EFNA5: variants seen among roughly 807,000 people sequenced by gnomAD.
EFNA5 encodes ephrin-A5.
Under a neutral mutation model 22.9 loss-of-function variants are expected in EFNA5, and 5 were observed. That is an observed-to-expected ratio of 0.22 (90% CI 0.11 to 0.46). The LOEUF is 0.46. Ranked by LOEUF, EFNA5 falls within the 20% of genes least tolerant of loss-of-function variation. EFNA5 has a pLI of 0.99. For missense variants in EFNA5, 237 were observed against 293.3 expected, an observed-to-expected ratio of 0.81 and a Z score of 1.40; for synonymous variants, 113 against 112.2, an observed-to-expected ratio of 1.01 and a Z score of -0.04.
At chr5:107,515,348 TTTTTA>T (rs1257338472) in intron 1 of EFNA5, among the ~76,000 whole-genome samples, 1 of 133,936 alleles carries the variant, frequency 7.5e-6, no homozygotes. Context: ...CAAGACATGG[TTTTTA>T]TTTTTTATTT....
At chr5:107,470,932 A>G (rs1750121999) in intron 1 of EFNA5, among the ~76,000 whole-genome samples, 1 of 152,182 alleles carries the variant, frequency 6.6e-6, no homozygotes, top group African/African-American at 2.4e-5. Flanking sequence ...CTTTTCTTCA[A>G]GAAAAACCCA....
At chr5:107,594,029 T>G (rs1749426781) in intron 1 of EFNA5, among the ~76,000 whole-genome samples, 1 of 152,242 alleles carries the variant, frequency 6.6e-6, no homozygotes, top group Non-Finnish European at 1.5e-5. Context: ...TATGTGCTTG[T>G]TCTCTCATTC....
chr5:107,633,078 C>T (rs1288160613), intron 1 of EFNA5, among the ~76,000 whole-genome samples: 4 of 151,936 alleles, frequency 2.6e-5, no homozygotes, highest in Non-Finnish European at 4.4e-5. Context: ...AGAGGGAAGT[C>T]CTTCAGTAGT....
At chr5:107,452,467 T>C (rs1025711466) in intron 1 of EFNA5, among the ~76,000 whole-genome samples, 1 of 152,140 alleles carries the variant, frequency 6.6e-6, no homozygotes, top group Non-Finnish European at 1.5e-5. Context: ...CTCACGCCTG[T>C]AATCTCAGCA....
chr5:107,500,335 C>T (rs1187591113), intron 1 of EFNA5, among the ~76,000 whole-genome samples: 1 of 152,226 alleles, frequency 6.6e-6, no homozygotes, highest in Admixed American at 6.5e-5. Flanking sequence ...ATACGTATAT[C>T]TGCTAAAGAA....
intron 1 of EFNA5, among the ~76,000 whole-genome samples, chr5:107,538,520 C>G (rs1747973319): frequency 6.6e-6 from 1 of 152,138 alleles, no homozygotes; most frequent in African/African-American, 2.4e-5. Context: ...AATGTACAGA[C>G]AGGAAGTGGG....
chr5:107,515,352 T>A (rs1317186991), intron 1 of EFNA5, among the ~76,000 whole-genome samples: 1 of 133,650 alleles, frequency 7.5e-6, no homozygotes, highest in Non-Finnish European at 1.6e-5. Context: ...ACATGGTTTT[T>A]ATTTTTTATT....
At chr5:107,474,873 A>G (rs1750241046) in intron 1 of EFNA5, among the ~76,000 whole-genome samples, 1 of 152,216 alleles carries the variant, frequency 6.6e-6, no homozygotes, top group Non-Finnish European at 1.5e-5. Context: ...AAGGACAATT[A>G]TGTTGACTCA....
intron 1 of EFNA5, among the ~76,000 whole-genome samples, chr5:107,653,079 G>T (rs751583669): frequency 1.2e-4 from 18 of 151,994 alleles, no homozygotes; most frequent in Non-Finnish European, 2.5e-4. Flanking sequence ...AGAGGCATCA[G>T]AACAGGTACC....
At chr5:107,593,751 G>C (rs1161149723) in intron 1 of EFNA5, among the ~76,000 whole-genome samples, 1 of 152,090 alleles carries the variant, frequency 6.6e-6, no homozygotes, top group African/African-American at 2.4e-5. Flanking sequence ...AAAAGAAAAA[G>C]GCAGAATAAA....
intron 1 of EFNA5, among the ~76,000 whole-genome samples, chr5:107,611,272 T>C (rs1487270229): frequency 6.6e-6 from 1 of 152,148 alleles, no homozygotes; most frequent in East Asian, 1.9e-4. Flanking sequence ...CAGAAGAGAC[T>C]GTTTAAAATC....
chr5:107,491,503 G>T (rs545857179), intron 1 of EFNA5, among the ~76,000 whole-genome samples: 1 of 152,226 alleles, frequency 6.6e-6, no homozygotes, highest in African/African-American at 2.4e-5. Flanking sequence ...GTAGAGACGG[G>T]TTTCACCATG....
rs115966067 is a variant in EFNA5 at position 107,609,484 on chromosome 5, G to A, written c.125+61005C>T. ...TTAGCGGCAGGAGTAGTAGATCCACGTCAAAATCAGAAAAATAATTCCTAA... is the reference window on the plus strand; with the variant it reads ...TTAGCGGCAGGAGTAGTAGATCCACATCAAAATCAGAAAAATAATTCCTAA... On this transcript the variant is annotated intron_variant, in intron 1 of 4. Transcript: ENST00000333274. Among the ~76,000 whole-genome samples, 105 of 152,072 alleles carry A rather than the reference G, an allele frequency of 6.9e-4. 1 individual carries two copies. The highest frequency in any genetic ancestry group is 2.3e-3 in the African/African-American group (96 of 41,480).
chr5:107,504,249 T>C lies in EFNA5; in HGVS notation c.126-76740A>G, dbSNP rs1353894303. ...CATTCTTAAGGTTTGAATTACAGACTGACAAGGGCTAAAATATCTTTTAAC... is the reference window on the plus strand; with the variant it reads ...CATTCTTAAGGTTTGAATTACAGACCGACAAGGGCTAAAATATCTTTTAAC... On this transcript the variant is annotated intron_variant, in intron 1 of 4. Transcript: ENST00000333274. Among the ~76,000 whole-genome samples, 3 of 152,186 alleles carry C rather than the reference T, an allele frequency of 2.0e-5. No individual in the cohort carries two copies. The South Asian group carries it at 6.2e-4, about 31-fold the overall frequency.
At chr5:107,481,339 C>T (rs904254012) in intron 1 of EFNA5, among the ~76,000 whole-genome samples, 2 of 152,146 alleles carry the variant, frequency 1.3e-5, no homozygotes, top group African/African-American at 4.8e-5. Flanking sequence ...TTGAGATGGC[C>T]TTCTCCATCG....
intron 1 of EFNA5, among the ~76,000 whole-genome samples, chr5:107,492,356 T>C (rs1746830405): frequency 6.6e-6 from 1 of 152,246 alleles, no homozygotes. Flanking sequence ...TATGTCATCC[T>C]TTTATTATGA....
At chr5:107,547,023 G>A (rs1748174630) in intron 1 of EFNA5, among the ~76,000 whole-genome samples, 1 of 152,164 alleles carries the variant, frequency 6.6e-6, no homozygotes, top group Non-Finnish European at 1.5e-5. Context: ...TGGAAGTAAG[G>A]AGCAGAAAAG....
chr5:107,459,071 C>T (rs191543486), intron 1 of EFNA5, among the ~76,000 whole-genome samples: 156 of 152,168 alleles, frequency 1.0e-3, no homozygotes, highest in African/African-American at 3.6e-3. Flanking sequence ...TTCAAATTTA[C>T]GTTTAAATTA....
At chr5:107,384,423 A>G (rs1156923398) in intron 4 of EFNA5, among the ~76,000 whole-genome samples, 1 of 152,218 alleles carries the variant, frequency 6.6e-6, no homozygotes, top group Non-Finnish European at 1.5e-5. Context: ...CAGAGTGTGC[A>G]AGCAAACAAA....
Sources: allele counts gnomAD v4.1 joint callset (sites outside exome capture counted in the v4.1 genomes callset), GRCh38; gene constraint gnomAD v4.1.1; transcripts MANE v1.5; gene names NCBI Gene and HGNC (gene_info 2026-07-23, HGNC 2026-07-21).